Variants in RELCH observed in about 807,000 individuals in gnomAD.
RELCH encodes the protein RAB11 binding and LisH domain, coiled-coil and HEAT repeat containing.
Under a neutral mutation model 150.3 loss-of-function variants are expected in RELCH, and 41 were observed. The ratio of observed to expected loss-of-function variants is 0.27; its 90% CI spans 0.21 to 0.35. The LOEUF (loss-of-function observed/expected upper bound fraction) is 0.35. Among genes scored for constraint, RELCH ranks in the 10% least tolerant of loss-of-function variants. The pLI is 1.00. For synonymous variants in RELCH, 478 were observed against 531.8 expected (o/e 0.90, Z 1.39); for missense variants, 1,092 against 1,467.8 (o/e 0.74, Z 4.18).
intron 11 of RELCH, among the ~76,000 whole-genome samples, chr18:62,251,674 A>G (rs1415975773): frequency 6.6e-6 from 1 of 152,234 alleles, no homozygotes; most frequent in East Asian, 1.9e-4. Flanking sequence ...TATAATACCA[A>G]AAAATCTGAT....
In RELCH at chr18:62,296,453, GTGCATGC is replaced by G. The variant is rs1024516467; in HGVS notation, c.3460-2335_3460-2329del. Among the ~76,000 whole-genome samples, 27 of 152,248 alleles carry G rather than the reference GTGCATGC, an allele frequency of 1.8e-4. 1 individual carries two copies. Among genetic ancestry groups the G allele is most frequent in the African/African-American group, 5.8e-4 (24 of 41,550 alleles). ...AATACAAAATTAGCCAGGTGTGGTG[GTGCATGC>G]TTGTAATTCCAGCTACTTGGGAGGC... On this transcript the variant is annotated intron_variant, in intron 27 of 28. Transcript: ENST00000644646.
At chr18:62,292,505 A>G (rs2045203724) in intron 27 of RELCH, among the ~76,000 whole-genome samples, 1 of 152,052 alleles carries the variant, frequency 6.6e-6, no homozygotes, top group Non-Finnish European at 1.5e-5. Context: ...ACTTGCCTTT[A>G]CTATATGTTA....
chr18:62,291,113 T>G (rs2145053066), intron 26 of RELCH, among the ~76,000 whole-genome samples: 1 of 152,380 alleles, frequency 6.6e-6, no homozygotes, highest in East Asian at 1.9e-4. Context: ...TCGTTTACAA[T>G]TGTCTTATAC....
chr18:62,270,019 A>T (rs113806600), intron 20 of RELCH, among the ~76,000 whole-genome samples: 2 of 152,178 alleles, frequency 1.3e-5, no homozygotes, highest in Non-Finnish European at 2.9e-5. Flanking sequence ...TGATTCTGCA[A>T]TCTGGGCCTC....
chr18:62,192,725 C>T (rs2038739691), intron 1 of RELCH, among the ~76,000 whole-genome samples: 4 of 152,052 alleles, frequency 2.6e-5, no homozygotes, highest in Non-Finnish European at 4.4e-5. Flanking sequence ...TGAATGCTCT[C>T]TTCTGTTCTG....
chr18:62,299,605 T>C (rs1334490899), intron 28 of RELCH, among the ~76,000 whole-genome samples: 1 of 152,172 alleles, frequency 6.6e-6, no homozygotes, highest in Non-Finnish European at 1.5e-5. Flanking sequence ...TAAAGCCTCT[T>C]AGAATGGAAG....
rs111233755 is a variant in RELCH at position 62,276,782 on chromosome 18, T to C, written c.2967+1309T>C. On this transcript the variant is annotated intron_variant, in intron 22 of 28. Transcript: ENST00000644646. The stretch of plus-strand genomic sequence containing the variant: ...TCCATCCATGTTATTCCCTCAGTTA[T>C]CATACAGAAGCAACTTTTAAAAAGC... 7.1e-3 allele frequency among the ~76,000 whole-genome samples: 1,079 copies of C among 152,240 alleles called. 13 individuals are homozygous for C. Among genetic ancestry groups the C allele is most frequent in the African/African-American group, 0.025 (1,031 of 41,572 alleles).
chr18:62,229,840 T>C (rs1568349194), intron 8 of RELCH, among the ~76,000 whole-genome samples: 1 of 151,212 alleles, frequency 6.6e-6, no homozygotes, highest in Non-Finnish European at 1.5e-5. Flanking sequence ...TAGTGAGGCT[T>C]AAGCAAATAA....
rs148406646 is a variant in RELCH at position 62,202,973 on chromosome 18, A to C, written c.527-8180A>C. Reference sequence around the variant, plus strand: ...TTTTCCTATGCAGGTTAGAGACTTCAGAGTAGCTAATAAGGAGCCACGACA... The same window carrying C: ...TTTTCCTATGCAGGTTAGAGACTTCCGAGTAGCTAATAAGGAGCCACGACA... On this transcript the variant is annotated intron_variant, in intron 1 of 28. Transcript: ENST00000644646. Among the ~76,000 whole-genome samples the C allele has an allele frequency of 1.5e-3, 236 of 152,348 alleles. 1 individual carries two copies. The highest frequency in any genetic ancestry group is 5.3e-3 in the African/African-American group (220 of 41,582).
intron 15 of RELCH, among the ~76,000 whole-genome samples, chr18:62,260,471 A>T (rs1736792695): frequency 1.3e-5 from 2 of 151,950 alleles, no homozygotes; most frequent in South Asian, 4.1e-4. Flanking sequence ...ACTATGGAAA[A>T]CAGTGTGGAA....
intron 12 of RELCH, among the ~76,000 whole-genome samples, chr18:62,253,281 G>A (rs1267677354): frequency 8.8e-6 from 1 of 113,786 alleles, no homozygotes; most frequent in Admixed American, 8.0e-5. Flanking sequence ...GTGTGTGTGT[G>A]TGTGTGTGTG....
intron 2 of RELCH, 42 bp downstream of exon 2, chr18:62,211,284 C>A: frequency 8.2e-7 from 1 of 1,224,626 alleles, no homozygotes; most frequent in South Asian, 1.2e-5. Context: ...CTTTGACATT[C>A]CAGAAATAAT....
At position 62,309,647 on chromosome 18, in the gene RELCH, A is replaced by G. The variant is rs1367784569; in HGVS notation, c.*4113A>G. 6.6e-6 allele frequency: 1 copy of G among 152,178 alleles called. No homozygotes were observed. Among genetic ancestry groups the G allele is most frequent in the Non-Finnish European group, 1.5e-5 (1 of 68,020 alleles). The allele number at this position is 152,178 out of a possible 1,614,324, so 9.4% of individuals were successfully genotyped here. A position where few individuals can be genotyped will look rare whatever the true frequency, so the allele number is the denominator to read the frequency against. ...TCAGTTCAGTGTTATGAGGAATGTAAACTGTTTGCTTTTCTCCAGAGAGGC... is the reference window on the plus strand; with the variant it reads ...TCAGTTCAGTGTTATGAGGAATGTAGACTGTTTGCTTTTCTCCAGAGAGGC... On this transcript the variant is annotated 3_prime_UTR_variant, in exon 29 of 29. Coordinates refer to ENST00000644646, the MANE Select transcript of RELCH (RefSeq NM_001346231.2).
At chr18:62,235,416 C>T (rs1440974736) in intron 10 of RELCH, 1 of 152,030 alleles carries the variant, frequency 6.6e-6, no homozygotes, top group Non-Finnish European at 1.5e-5. Context: ...TCTAACTGCA[C>T]ATCACTATTG....
Position 62,266,569 on chromosome 18 carries a change from G to C in RELCH, c.2632-132G>C. The C allele has an allele frequency of 5.7e-6, 3 of 526,886 alleles. No individual in the cohort carries two copies. The South Asian group carries it at 9.2e-5, about 16-fold the overall frequency. 32.6% of individuals were successfully genotyped at this position (526,886 alleles called of 1,614,324 possible). ...CATGATTAAGAATTATTACATTTCT[G>C]ACCACTTAACTTAGTCATCTATAAA... On this transcript the variant is annotated intron_variant, in intron 18 of 28. Transcript: ENST00000644646.
In RELCH at chr18:62,211,265, A is replaced by G. The variant is rs369034948; in HGVS notation, c.616+23A>G. The stretch of plus-strand genomic sequence containing the variant: ...CAGGTGAGTAAAATTGTAAGGACAG[A>G]TTTGGATTCTTTGACATTCCAGAAA... On this transcript the variant is annotated intron_variant, in intron 2 of 28. Coordinates refer to ENST00000644646, the MANE Select transcript of RELCH (RefSeq NM_001346231.2). 116 of 1,416,244 alleles carry G rather than the reference A, an allele frequency of 8.2e-5. 2 individuals are homozygous for G. The East Asian group carries it at 9.6e-4, about 12-fold the overall frequency. The allele number at this position is 1,416,244 out of a possible 1,614,324, so 87.7% of individuals were successfully genotyped here.
chr18:62,227,627 T>C lies in RELCH; in HGVS notation c.1092T>C (p.Asp364=). The change falls in exon 7 of 29, where the codon GAT becomes GAC. Residue 364 remains aspartate (D), a synonymous_variant. Transcript: ENST00000644646. ...CCATGTTAGTACAGAAATTAGAAGA[T>C]AAAATTAGTTTGTTAAATAGTGAGA... ...ENSMLVQKLE[D]KISLLNSEKW... The C allele has an allele frequency of 1.3e-6, 2 of 1,569,212 alleles. No homozygotes were observed. Among genetic ancestry groups the C allele is most frequent in the South Asian group, 1.1e-5 (1 of 88,916 alleles).
intron 2 of RELCH, among the ~76,000 whole-genome samples, chr18:62,216,884 C>A (rs1433563122): frequency 6.6e-6 from 1 of 151,958 alleles, no homozygotes; most frequent in Non-Finnish European, 1.5e-5. Flanking sequence ...ACAGATAAAT[C>A]TTTTCCTTCC....
At chr18:62,267,282 A>C (rs1172681843) in intron 19 of RELCH, among the ~76,000 whole-genome samples, 1 of 151,748 alleles carries the variant, frequency 6.6e-6, no homozygotes, top group African/African-American at 2.4e-5. Flanking sequence ...GGACTTGTTT[A>C]TGTATGGATC....
Sources: allele counts gnomAD v4.1 joint callset (sites outside exome capture counted in the v4.1 genomes callset), GRCh38; gene constraint gnomAD v4.1.1; transcripts MANE v1.5; gene names NCBI Gene and HGNC (gene_info 2026-07-23, HGNC 2026-07-21).